Variants in WWOX observed in about 807,000 individuals in gnomAD.
WWOX encodes WW domain containing oxidoreductase, also known as WW domain-containing oxidoreductase.
Under a neutral mutation model 46.2 loss-of-function variants are expected in WWOX, and 69 were observed. That is an observed-to-expected ratio of 1.49 (90% CI 1.23 to 1.82). WWOX has a LOEUF of 1.82. Ranked by LOEUF, WWOX falls within the 40% of genes most tolerant of loss-of-function variation. WWOX has a pLI of 0.00. For missense variants in WWOX, 919 were observed against 542.6 expected, an observed-to-expected ratio of 1.69 and a Z score of -6.89; for synonymous variants, 359 against 202.6, an observed-to-expected ratio of 1.77 and a Z score of -6.56.
chr16:78,596,682 G>T (rs1000900941), intron 8 of WWOX, among the ~76,000 whole-genome samples: 2 of 152,198 alleles, frequency 1.3e-5, no homozygotes, highest in South Asian at 4.1e-4. Context: ...AAGCCAGCAG[G>T]GAGAATCAGT....
At chr16:79,041,688 G>C (rs995914604) in intron 8 of WWOX, among the ~76,000 whole-genome samples, 14 of 152,116 alleles carry the variant, frequency 9.2e-5, no homozygotes, top group African/African-American at 3.4e-4. Flanking sequence ...CACTGCAAAT[G>C]GCAAGGGCAT....
chr16:79,099,262 C>G (rs915156562), intron 8 of WWOX, among the ~76,000 whole-genome samples: 1 of 152,158 alleles, frequency 6.6e-6, no homozygotes, highest in Non-Finnish European at 1.5e-5. Flanking sequence ...CACAAGAGAT[C>G]AAATGTCAAC....
chr16:79,150,786 C>A (rs1007641695), intron 8 of WWOX, among the ~76,000 whole-genome samples: 1 of 152,080 alleles, frequency 6.6e-6, no homozygotes, highest in African/African-American at 2.4e-5. Flanking sequence ...GGACTACAGG[C>A]GTGTGTCACT....
Position 78,225,783 on chromosome 16 carries a change from T to C in WWOX, c.516+61494T>C, listed in dbSNP as rs76930656. Among the ~76,000 whole-genome samples, 234 of 152,294 alleles carry C rather than the reference T, an allele frequency of 1.5e-3. 1 individual carries two copies. Among genetic ancestry groups the C allele is most frequent in the African/African-American group, 5.2e-3 (216 of 41,572 alleles). On this transcript the variant is annotated intron_variant, in intron 5 of 8. Transcript: ENST00000566780. The stretch of plus-strand genomic sequence containing the variant: ...TTATTCCACCTTAATGCATGAAATA[T>C]TAGGTTAACATGGAAAAAACATGGC...
intron 8 of WWOX, among the ~76,000 whole-genome samples, chr16:78,456,805 G>T (rs771337479): frequency 3.3e-5 from 5 of 152,206 alleles, no homozygotes; most frequent in Admixed American, 1.3e-4. Flanking sequence ...TGGCTTTTTA[G>T]TGAATACCAA....
chr16:78,658,620 C>A (rs1411642633), intron 8 of WWOX, among the ~76,000 whole-genome samples: 1 of 152,260 alleles, frequency 6.6e-6, no homozygotes, highest in Non-Finnish European at 1.5e-5. Context: ...CATTCGTCGG[C>A]TTGTGGCAGC....
At chr16:78,276,610 C>G (rs541777038) in intron 5 of WWOX, among the ~76,000 whole-genome samples, 3 of 152,328 alleles carry the variant, frequency 2.0e-5, no homozygotes, top group South Asian at 4.1e-4. Context: ...AACTCTGGCT[C>G]TGCAGCTGAA....
chr16:78,617,767 TG>T (rs1261817615), intron 8 of WWOX, among the ~76,000 whole-genome samples: 1 of 152,188 alleles, frequency 6.6e-6, no homozygotes, highest in Non-Finnish European at 1.5e-5. Flanking sequence ...TCTCACGCAT[TG>T]GCCCTATCCA....
intron 8 of WWOX, among the ~76,000 whole-genome samples, chr16:78,939,937 C>G (rs942038880): frequency 2.6e-5 from 4 of 152,186 alleles, no homozygotes; most frequent in Non-Finnish European, 5.9e-5. Flanking sequence ...AATTCGACTG[C>G]CCCCACCCAG....
At position 79,208,631 on chromosome 16, in the gene WWOX, A is replaced by ATTTT. The variant is rs57795116; in HGVS notation, c.1057-2970_1057-2967dup. Among the ~76,000 whole-genome samples the ATTTT allele has an allele frequency of 3.7e-3, 552 of 151,132 alleles. 2 individuals are homozygous for ATTTT. Among genetic ancestry groups the ATTTT allele is most frequent in the Non-Finnish European group, 4.9e-3 (333 of 67,706 alleles). ...TGATGGTGATTAAAGTGCTCTTTAAATTTTTTTTTTAATCAGTTTAAGAAT... is the reference window on the plus strand; with the variant it reads ...TGATGGTGATTAAAGTGCTCTTTAAATTTTTTTTTTTTTTAATCAGTTTAAGAAT... On this transcript the variant is annotated intron_variant, in intron 8 of 8. Coordinates refer to ENST00000566780, the MANE Select transcript of WWOX (RefSeq NM_016373.4).
intron 8 of WWOX, among the ~76,000 whole-genome samples, chr16:78,705,308 C>G (rs898378819): frequency 3.9e-5 from 6 of 152,166 alleles, no homozygotes; most frequent in Admixed American, 3.3e-4. Flanking sequence ...TTCATTGTTG[C>G]TTCCGGACCT....
chr16:78,116,326 A>C (rs1276540340), intron 4 of WWOX, among the ~76,000 whole-genome samples: 2 of 152,290 alleles, frequency 1.3e-5, no homozygotes, highest in East Asian at 3.9e-4. Context: ...CTGCAGAAAT[A>C]TTTTCTAGCA....
intron 8 of WWOX, among the ~76,000 whole-genome samples, chr16:79,172,472 C>T (rs984016346): frequency 6.6e-6 from 1 of 152,066 alleles, no homozygotes; most frequent in South Asian, 2.1e-4. Flanking sequence ...CCTGTAGTCC[C>T]GAGCCCTGTG....
At chr16:79,137,386 A>G (rs1229535295) in intron 8 of WWOX, among the ~76,000 whole-genome samples, 1 of 152,170 alleles carries the variant, frequency 6.6e-6, no homozygotes, top group Non-Finnish European at 1.5e-5. Flanking sequence ...TATTAAATTC[A>G]GTTTTTATCA....
intron 8 of WWOX, among the ~76,000 whole-genome samples, chr16:78,466,885 T>A (rs1163767723): frequency 6.6e-6 from 1 of 152,136 alleles, no homozygotes; most frequent in African/African-American, 2.4e-5. Flanking sequence ...CTTCCATCTG[T>A]ATCACACAGT....
chr16:78,457,816 T>C (rs1016103123), intron 8 of WWOX, among the ~76,000 whole-genome samples: 1 of 148,218 alleles, frequency 6.7e-6, no homozygotes. Flanking sequence ...CTTGGGAGGC[T>C]GAGGCAGGAG....
intron 8 of WWOX, among the ~76,000 whole-genome samples, chr16:78,866,250 A>T (rs76143549): frequency 9.7e-4 from 147 of 152,118 alleles, no homozygotes; most frequent in Non-Finnish European, 1.5e-3. Context: ...CCGCAGTTTC[A>T]TGAATGCCTC....
rs144296243 is a variant in WWOX, at chr16:78,867,437, T to G, written c.1057-344171T>G. ...TTCATAATCTAGAGCTATTATAGTTTCCAATTGACAGATGGGGAATCTGAG... is the reference window on the plus strand; with the variant it reads ...TTCATAATCTAGAGCTATTATAGTTGCCAATTGACAGATGGGGAATCTGAG... On this transcript the variant is annotated intron_variant, in intron 8 of 8. Coordinates refer to ENST00000566780, the MANE Select transcript of WWOX (RefSeq NM_016373.4). Among the ~76,000 whole-genome samples the G allele has an allele frequency of 9.2e-5, 14 of 152,268 alleles. No homozygotes were observed. In the East Asian group the frequency reaches 2.7e-3, roughly 29 times the overall value.
At chr16:78,857,045 A>G (rs1422062667) in intron 8 of WWOX, among the ~76,000 whole-genome samples, 1 of 152,224 alleles carries the variant, frequency 6.6e-6, no homozygotes, top group Admixed American at 6.5e-5. Flanking sequence ...AGGTACAGTT[A>G]AAATATGGTA....
Sources: gnomAD v4.1 joint callset for allele counts (sites outside exome capture counted in the v4.1 genomes callset) on GRCh38, gnomAD v4.1.1 for gene constraint, MANE v1.5 for transcripts, NCBI Gene and HGNC (gene_info 2026-07-23, HGNC 2026-07-21) for gene names.